RGPD8: variants seen among roughly 807,000 people sequenced by gnomAD.
RGPD8 encodes RANBP2 like and GRIP domain containing 8, also known as RANBP2-like and GRIP domain-containing protein 8.
A neutral mutation model predicts 89.1 loss-of-function variants in RGPD8; 15 were observed. The observed-to-expected ratio is 0.17, with a 90% confidence interval of 0.11 to 0.26. The LOEUF is 0.26. Among genes scored for constraint, RGPD8 ranks in the 10% least tolerant of loss-of-function variants. The pLI is 1.00. For missense variants in RGPD8, 178 were observed against 1,179.6 expected (o/e 0.15, Z 12.44); for synonymous variants, 62 against 420.9 (o/e 0.15, Z 10.44).
intron 6 of RGPD8, among the ~76,000 whole-genome samples, chr2:112,415,035 C>T (rs866551615): frequency 2.3e-4 from 32 of 141,680 alleles, no homozygotes; most frequent in Middle Eastern, 6.9e-3. Context: ...AAAAAAAGAT[C>T]GAGACCATCC....
chr2:112,427,704 G>A (rs1350331653), intron 1 of RGPD8, among the ~76,000 whole-genome samples: 1 of 152,112 alleles, frequency 6.6e-6, no homozygotes, highest in Non-Finnish European at 1.5e-5. Context: ...ATCTTGCACA[G>A]TCAAATGAAT....
In RGPD8 at chr2:112,390,568, T is replaced by A. The variant is rs370214800; in HGVS notation, c.2698-321A>T. On this transcript the variant is annotated intron_variant, in intron 19 of 22. Transcript: ENST00000302558. ...GTCAAAATAAGCAGAAGAGCAAGGGTCTAAATGCACCCCAACACTCTGTCC... is the reference window on the plus strand; with the variant it reads ...GTCAAAATAAGCAGAAGAGCAAGGGACTAAATGCACCCCAACACTCTGTCC... Among the ~76,000 whole-genome samples the A allele has an allele frequency of 2.8e-5, 4 of 141,916 alleles. No individual in the cohort carries two copies. In the East Asian group the frequency reaches 5.8e-4, roughly 21 times the overall value. 93.1% of individuals were successfully genotyped at this position (141,916 alleles called of 152,430 possible). A position where few individuals can be genotyped will look rare whatever the true frequency, so the allele number is the denominator to read the frequency against.
chr2:112,377,290 T>TTTG (rs1678149004), intron 22 of RGPD8, among the ~76,000 whole-genome samples: 1 of 90,202 alleles, frequency 1.1e-5, no homozygotes, highest in Non-Finnish European at 2.3e-5. Flanking sequence ...GTTTTTTTTT[T>TTTG]TTTTTTTTTT....
intron 6 of RGPD8, among the ~76,000 whole-genome samples, chr2:112,416,392 C>CCAA (rs1194580804): frequency 6.6e-6 from 1 of 150,414 alleles, no homozygotes; most frequent in Non-Finnish European, 1.5e-5. Context: ...AAATTAACTT[C>CCAA]CAAACAAATG....
At chr2:112,372,959 G>T (rs1453802043) in intron 22 of RGPD8, among the ~76,000 whole-genome samples, 1 of 137,550 alleles carries the variant, frequency 7.3e-6, no homozygotes, top group Non-Finnish European at 1.5e-5. Context: ...AGACCTCTGT[G>T]TATGTATGGT....
intron 7 of RGPD8, among the ~76,000 whole-genome samples, chr2:112,410,808 G>A (rs1240289775): frequency 4.6e-5 from 7 of 152,196 alleles, no homozygotes; most frequent in Non-Finnish European, 7.3e-5. Context: ...TATTAGGCAG[G>A]GCATGCTGGC....
rs1484844095 is a variant in RGPD8, at chr2:112,433,286, C to T, written c.72+96G>A. The T allele has an allele frequency of 2.2e-6, 3 of 1,350,348 alleles. No individual in the cohort carries two copies. The East Asian group carries it at 8.4e-5, about 38-fold the overall frequency. 83.6% of individuals were successfully genotyped at this position (1,350,348 alleles called of 1,614,324 possible). A position where few individuals can be genotyped will look rare whatever the true frequency, so the allele number is the denominator to read the frequency against. On this transcript the variant is annotated intron_variant, in intron 1 of 22. Transcript: ENST00000302558. Reference sequence around the variant, plus strand: ...CCAGGGAGCAGCGCCCGTCGGGAGCCATGACCCCTGACCCATCGAGGCCGC... The same window carrying T: ...CCAGGGAGCAGCGCCCGTCGGGAGCTATGACCCCTGACCCATCGAGGCCGC...
intron 2 of RGPD8, among the ~76,000 whole-genome samples, chr2:112,423,871 TAC>T (rs1394939945): frequency 6.6e-6 from 1 of 152,236 alleles, no homozygotes; most frequent in African/African-American, 2.4e-5. Flanking sequence ...GCCTTACAAT[TAC>T]AGTTTAGTTT....
At chr2:112,429,869 G>A (rs1206287780) in intron 1 of RGPD8, among the ~76,000 whole-genome samples, 3 of 152,030 alleles carry the variant, frequency 2.0e-5, no homozygotes, top group Non-Finnish European at 4.4e-5. Flanking sequence ...GTGCAGTGGC[G>A]CAATCTCTGC....
Position 112,390,096 on chromosome 2 carries a change from T to A in RGPD8, c.2849A>T (p.Asp950Val). The change falls in exon 20 of 23, where the codon GAT becomes GTT. Residue 950 changes from aspartate (D) to valine (V), a missense_variant. Transcript: ENST00000302558. ...LENDTGLQAQ[D>V]IRGRKKGRGV... ...ACGGCCCTTCTTCCGGCCCCTAATA[T>A]CCTGAGCCTGTAAGCCAGTATCATT... The A allele has an allele frequency of 1.2e-6, 2 of 1,601,800 alleles. No individual in the cohort carries two copies. Among genetic ancestry groups the A allele is most frequent in the Non-Finnish European group, 1.7e-6 (2 of 1,174,360 alleles).
chr2:112,402,495 C>CGAA (rs1553503524), intron 9 of RGPD8, among the ~76,000 whole-genome samples: 1 of 147,012 alleles, frequency 6.8e-6, no homozygotes, highest in African/African-American at 2.6e-5. Flanking sequence ...GTCTCAAAAA[C>CGAA]AAGAAAAGAA....
At chr2:112,415,891 A>C (rs1211845053) in intron 6 of RGPD8, among the ~76,000 whole-genome samples, 2 of 150,910 alleles carry the variant, frequency 1.3e-5, no homozygotes, top group East Asian at 3.8e-4. Context: ...AAAAAAAAAA[A>C]AGAGAGATTG....
intron 21 of RGPD8, among the ~76,000 whole-genome samples, chr2:112,379,322 C>A (rs1242377823): frequency 5.3e-5 from 8 of 151,502 alleles, no homozygotes; most frequent in African/African-American, 1.9e-4. Context: ...TTTGGCCAGG[C>A]GTGGTGGCTC....
chr2:112,432,963 G>A (rs555426133), intron 1 of RGPD8, among the ~76,000 whole-genome samples: 20 of 135,384 alleles, frequency 1.5e-4, no homozygotes, highest in South Asian at 2.5e-4. Context: ...CCGCCGGGCC[G>A]GGTCGAGGCC....
rs1240301925 is a variant in RGPD8, at chr2:112,390,036, G to A, written c.2909C>T (p.Thr970Ile). The A allele has an allele frequency of 6.3e-7, 1 of 1,579,248 alleles. No individual in the cohort carries two copies. Among genetic ancestry groups the A allele is most frequent in the Admixed American group, 1.7e-5 (1 of 58,424 alleles). Residue 970 changes from threonine to isoleucine, a missense_variant, in exon 20 of 23, where the codon ACA becomes ATA. Transcript: ENST00000302558. The stretch of plus-strand genomic sequence containing the variant: ...AGTTGATTTTGCAACATCTGCAAAT[G>A]TAAAAGTGCTACTTGTTTGGCCAAA... ...VIFGQTSSTF[T>I]FADVAKSTSG...
intron 2 of RGPD8, among the ~76,000 whole-genome samples, 171 bp downstream of exon 2, chr2:112,424,069 A>G (rs533420128): frequency 8.5e-5 from 13 of 152,342 alleles, no homozygotes; most frequent in Admixed American, 2.6e-4. Flanking sequence ...TGCAGTTTCA[A>G]TCTCAATGGA....
At chr2:112,382,468 T>A (rs1678345993) in intron 20 of RGPD8, among the ~76,000 whole-genome samples, 1 of 151,026 alleles carries the variant, frequency 6.6e-6, no homozygotes, top group Admixed American at 6.6e-5. Context: ...TCGGGAGAAT[T>A]AAGCAGCTGC....
At chr2:112,375,904 C>CAAT (rs1418199610) in intron 22 of RGPD8, among the ~76,000 whole-genome samples, 1 of 28,148 alleles carries the variant, frequency 3.6e-5, no homozygotes, top group Non-Finnish European at 6.8e-5. Flanking sequence ...AGATTACTGT[C>CAAT]AGTATTGAGA....
chr2:112,430,934 GAGAC>G (rs1680002332), intron 1 of RGPD8, among the ~76,000 whole-genome samples: 1 of 152,160 alleles, frequency 6.6e-6, no homozygotes, highest in Non-Finnish European at 1.5e-5. Context: ...TCCAGCCTGG[GAGAC>G]AGAAAGAGAC....
Sources: allele counts gnomAD v4.1 joint callset (sites outside exome capture counted in the v4.1 genomes callset), GRCh38; gene constraint gnomAD v4.1.1; transcripts MANE v1.5; gene names NCBI Gene and HGNC (gene_info 2026-07-23, HGNC 2026-07-21).